Variants in RDH10 observed in about 807,000 individuals in gnomAD.
The protein encoded by RDH10 is retinol dehydrogenase 10, also known as retinol dehydrogenase 10 (all-trans).
RDH10 carries 12 observed loss-of-function variants against 30.2 expected under a neutral mutation model. The observed-to-expected ratio is 0.40, with a 90% CI of 0.25 to 0.64. The LOEUF is 0.64. RDH10 is among the 30% of genes least tolerant of loss of function. The probability of loss-of-function intolerance (pLI) is 0.43; values close to 1 mark genes in which losing one functional copy is unlikely to be tolerated. For synonymous variants in RDH10, 189 were observed against 172.2 expected (o/e 1.10, Z -0.76); for missense variants, 268 against 445.2 (o/e 0.60, Z 3.58).
intron 2 of RDH10, among the ~76,000 whole-genome samples, chr8:73,310,704 CA>C (rs1288322788): frequency 6.6e-6 from 1 of 152,140 alleles, no homozygotes; most frequent in African/African-American, 2.4e-5. Context: ...GGGTTATTTT[CA>C]TTATTCCATA....
intron 2 of RDH10, among the ~76,000 whole-genome samples, chr8:73,302,624 G>A (rs966025779): frequency 7.9e-5 from 12 of 152,170 alleles, no homozygotes; most frequent in South Asian, 4.1e-4. Flanking sequence ...GTTGTAGACT[G>A]CAATGAGCTG....
intron 2 of RDH10, among the ~76,000 whole-genome samples, chr8:73,306,616 G>T (rs1271580070): frequency 6.6e-6 from 1 of 152,216 alleles, no homozygotes; most frequent in Non-Finnish European, 1.5e-5. Context: ...CCCTTACAAT[G>T]ACAAGCCACT....
intron 2 of RDH10, chr8:73,297,963 G>A (rs138707628): frequency 1.5e-3 from 253 of 166,154 alleles, no homozygotes; most frequent in Non-Finnish European, 2.4e-3. Context: ...GGACTCTCTC[G>A]GGTTAGACAG....
At position 73,323,637 on chromosome 8, in the gene RDH10, CTAAAG is replaced by C. The variant is rs1814807860; in HGVS notation, c.*604_*608del. ...AGTCTCTTTCTTAAAGTCACAATGA[CTAAAG>C]TATTAGTTGAATTTTTTTTTTTTTT... On this transcript the variant is annotated 3_prime_UTR_variant, in exon 6 of 6. Coordinates refer to ENST00000240285, the MANE Select transcript of RDH10 (RefSeq NM_172037.5). The C allele has an allele frequency of 6.7e-6, 1 of 149,582 alleles. No individual in the cohort carries two copies. The allele number at this position is 149,582 out of a possible 1,614,324, so 9.3% of individuals were successfully genotyped here. A position where few individuals can be genotyped will look rare whatever the true frequency, so the allele number is the denominator to read the frequency against.
At chr8:73,311,176 AC>A (rs1360550078) in intron 2 of RDH10, 2 of 152,210 alleles carry the variant, frequency 1.3e-5, no homozygotes, top group African/African-American at 4.8e-5. Context: ...AGATGAAAAA[AC>A]TTTGGACATC....
At chr8:73,306,889 G>A (rs964231158) in intron 2 of RDH10, among the ~76,000 whole-genome samples, 1 of 152,120 alleles carries the variant, frequency 6.6e-6, no homozygotes, top group Non-Finnish European at 1.5e-5. Flanking sequence ...AATAACATAA[G>A]TGGTACTTAT....
chr8:73,318,659 C>T (rs867797824), intron 2 of RDH10, among the ~76,000 whole-genome samples: 18 of 152,354 alleles, frequency 1.2e-4, no homozygotes, highest in East Asian at 1.9e-4. Flanking sequence ...TAGACATCGC[C>T]GTAAGGCACA....
At chr8:73,297,155 T>A in intron 1 of RDH10, 39 bp from the exon 2 acceptor site, 1 of 1,235,854 alleles carries the variant, frequency 8.1e-7, no homozygotes, top group African/African-American at 1.5e-5. Flanking sequence ...CTTCCTTCTC[T>A]TTTGCATGTT....
chr8:73,314,973 A>T (rs1399109634), intron 2 of RDH10, among the ~76,000 whole-genome samples: 1 of 152,172 alleles, frequency 6.6e-6, no homozygotes, highest in Non-Finnish European at 1.5e-5. Flanking sequence ...TCTCCCTCTC[A>T]AAAGAAAGCT....
intron 2 of RDH10, among the ~76,000 whole-genome samples, chr8:73,310,157 C>G (rs1288815194): frequency 1.3e-5 from 2 of 152,182 alleles, no homozygotes; most frequent in Non-Finnish European, 2.9e-5. Flanking sequence ...CATCTGCAAT[C>G]TTTAAAATCC....
rs1041453800 is a variant in RDH10 at position 73,325,127 on chromosome 8, T to A, written c.*2091T>A. On this transcript the variant is annotated 3_prime_UTR_variant, in exon 6 of 6. Transcript: ENST00000240285. ...ACCCTCCTAGAGAAATCTGTTATAA[T>A]TTAACAACCCACTTATCCACCTTAA... 6.6e-6 allele frequency: 1 copy of A among 152,226 alleles called. No individual in the cohort carries two copies. Among genetic ancestry groups the A allele is most frequent in the African/African-American group, 2.4e-5 (1 of 41,450 alleles). 9.4% of individuals were successfully genotyped at this position (152,226 alleles called of 1,614,324 possible).
chr8:73,319,862 C>T (rs1814735030), intron 3 of RDH10, among the ~76,000 whole-genome samples: 2 of 152,314 alleles, frequency 1.3e-5, no homozygotes, highest in Admixed American at 1.3e-4. Flanking sequence ...TTTCATCAAA[C>T]CCTGTTCTTC....
At chr8:73,317,330 CTATA>C (rs1814688361) in intron 2 of RDH10, among the ~76,000 whole-genome samples, 1 of 152,136 alleles carries the variant, frequency 6.6e-6, no homozygotes, top group Admixed American at 6.5e-5. Context: ...GCATGAGAGA[CTATA>C]TAAATATGTG....
At chr8:73,314,042 G>A (rs756775006) in intron 2 of RDH10, among the ~76,000 whole-genome samples, 1 of 152,198 alleles carries the variant, frequency 6.6e-6, no homozygotes, top group Non-Finnish European at 1.5e-5. Context: ...TTTCAGATTT[G>A]CCCTTTATGT....
At chr8:73,302,050 A>AC (rs1422621030) in intron 2 of RDH10, among the ~76,000 whole-genome samples, 8 of 152,024 alleles carry the variant, frequency 5.3e-5, no homozygotes, top group South Asian at 2.1e-4. Context: ...CAAAAAGAGG[A>AC]CCCCCTTGGC....
chr8:73,302,892 C>T (rs759605276), intron 2 of RDH10, among the ~76,000 whole-genome samples: 2 of 152,154 alleles, frequency 1.3e-5, no homozygotes, highest in Non-Finnish European at 2.9e-5. Context: ...GGCCTTTATA[C>T]GTGAGCAGCA....
intron 2 of RDH10, among the ~76,000 whole-genome samples, chr8:73,307,999 A>G (rs995721009): frequency 6.6e-5 from 10 of 152,176 alleles, no homozygotes; most frequent in African/African-American, 9.6e-5. Context: ...GTACTTTTCC[A>G]TAGCTTGTAT....
intron 2 of RDH10, among the ~76,000 whole-genome samples, chr8:73,306,860 C>A (rs4374985): frequency 0.21 from 32,021 of 152,132 alleles, 3,403 homozygotes; most frequent in Middle Eastern, 0.23. Context: ...TTAGTGTTAG[C>A]CTAAACAATA....
chr8:73,320,806 TGTGTA>T, intron 3 of RDH10, 121 bp from the exon 4 acceptor site: 1 of 868,730 alleles, frequency 1.2e-6, no homozygotes, highest in Non-Finnish European at 1.8e-6. Flanking sequence ...TCCTTTTCTT[TGTGTA>T]GTCACCTGTA....
Sources: allele counts gnomAD v4.1 joint callset (sites outside exome capture counted in the v4.1 genomes callset), GRCh38; gene constraint gnomAD v4.1.1; transcripts MANE v1.5; gene names NCBI Gene and HGNC (gene_info 2026-07-23, HGNC 2026-07-21).